Variants in SAMMSON observed in about 807,000 individuals in gnomAD.
SAMMSON encodes the protein long intergenic non-protein coding RNA 1212.
chr3:70,227,220 G>A (rs1701516552), intron 4 of SAMMSON, among the ~76,000 whole-genome samples: 2 of 152,106 alleles, frequency 1.3e-5, no homozygotes, highest in Admixed American at 1.3e-4. Flanking sequence ...GAAATAGACT[G>A]GATTATAGTT....
chr3:70,131,776 G>T (rs148173923), intron 4 of SAMMSON, among the ~76,000 whole-genome samples: 1 of 151,860 alleles, frequency 6.6e-6, no homozygotes, highest in Admixed American at 6.6e-5. Context: ...TAGAGGTAGG[G>T]TCTCACTAAA....
intron 3 of SAMMSON, among the ~76,000 whole-genome samples, chr3:70,028,143 T>TTTCCTTCCTTCCTTCCTTCCTTCCTTCC (rs540467067): frequency 7.6e-6 from 1 of 130,762 alleles, no homozygotes; most frequent in African/African-American, 3.0e-5. Flanking sequence ...TCCTTCCTTC[T>TTTCCTTCCTTCCTTCCTTCCTTCCTTCC]TTCCTTCCTT....
intron 3 of SAMMSON, among the ~76,000 whole-genome samples, chr3:70,064,447 C>T (rs971971239): frequency 1.3e-5 from 2 of 152,068 alleles, no homozygotes; most frequent in Non-Finnish European, 2.9e-5. Context: ...TATTGCAATC[C>T]GACCAAGTCT....
chr3:70,119,127 C>A (rs932144345), intron 4 of SAMMSON, among the ~76,000 whole-genome samples: 2 of 152,052 alleles, frequency 1.3e-5, no homozygotes, highest in African/African-American at 4.8e-5. Flanking sequence ...AGTGCCATGG[C>A]GTGATGTCGG....
In SAMMSON at chr3:70,129,868, A is replaced by G. The variant is rs149887921; in HGVS notation, n.507+58303A>G. On this transcript the variant is annotated intron_variant and non_coding_transcript_variant, in intron 4 of 9. Transcript: ENST00000642114. Reference sequence around the variant, plus strand: ...ACTTTATTTTATTTTACTTTAAAACATTATTTATTTAATGTTATATATTTA... The same window carrying G: ...ACTTTATTTTATTTTACTTTAAAACGTTATTTATTTAATGTTATATATTTA... Among the ~76,000 whole-genome samples the G allele has an allele frequency of 8.8e-3, 1,345 of 152,306 alleles. 8 individuals carry two copies. Among genetic ancestry groups the G allele is most frequent in the Non-Finnish European group, 0.013 (906 of 68,022 alleles).
chr3:70,420,049 A>G (rs971143957), intron 2 of SAMMSON, among the ~76,000 whole-genome samples: 2 of 152,236 alleles, frequency 1.3e-5, no homozygotes, highest in African/African-American at 4.8e-5. Flanking sequence ...GGTAAGGCTG[A>G]AGAGAGGCAT....
chr3:70,232,556 C>T (rs1037730514), intron 4 of SAMMSON, among the ~76,000 whole-genome samples: 1 of 151,930 alleles, frequency 6.6e-6, no homozygotes, highest in Non-Finnish European at 1.5e-5. Context: ...CCCGCCACCA[C>T]GCCTGGCTAT....
chr3:70,343,688 C>G (rs1273498068), intron 7 of SAMMSON, among the ~76,000 whole-genome samples: 1 of 151,836 alleles, frequency 6.6e-6, no homozygotes, highest in Non-Finnish European at 1.5e-5. Flanking sequence ...TTCCTTCTTT[C>G]CTTACTGTAC....
At chr3:70,293,364 T>G (rs2106695197) in intron 7 of SAMMSON, among the ~76,000 whole-genome samples, 1 of 152,280 alleles carries the variant, frequency 6.6e-6, no homozygotes, top group Non-Finnish European at 1.5e-5. Flanking sequence ...TAAATAAGAC[T>G]TAGAAGTGGA....
intron 4 of SAMMSON, among the ~76,000 whole-genome samples, chr3:70,075,755 C>A (rs1361060827): frequency 6.6e-6 from 1 of 152,068 alleles, no homozygotes; most frequent in Non-Finnish European, 1.5e-5. Flanking sequence ...CAGACAAACT[C>A]ATAGCGCAGT....
intron 9 of SAMMSON, among the ~76,000 whole-genome samples, chr3:70,365,676 T>C (rs1485891925): frequency 6.6e-6 from 1 of 151,808 alleles, no homozygotes; most frequent in East Asian, 1.9e-4. Context: ...CAGTTAGGTG[T>C]AGTTTCTTTT....
chr3:70,258,054 T>C (rs553464146), intron 6 of SAMMSON, among the ~76,000 whole-genome samples: 2 of 152,200 alleles, frequency 1.3e-5, no homozygotes, highest in Middle Eastern at 3.2e-3. Flanking sequence ...CATTAGATGG[T>C]GCTAGAAGAA....
chr3:70,067,027 T>C (rs1262485199), intron 3 of SAMMSON, among the ~76,000 whole-genome samples: 17 of 152,136 alleles, frequency 1.1e-4, no homozygotes, highest in Non-Finnish European at 2.5e-4. Flanking sequence ...TCAGTCTATA[T>C]ATTCAGGAAA....
intron 6 of SAMMSON, among the ~76,000 whole-genome samples, chr3:70,272,713 A>G (rs1365641571): frequency 6.6e-6 from 1 of 152,236 alleles, no homozygotes; most frequent in Non-Finnish European, 1.5e-5. Context: ...GATAGAGTAC[A>G]TTGCATTGCT....
chr3:70,337,110 TATTCTTATTAATA>T (rs1250554093), intron 7 of SAMMSON, among the ~76,000 whole-genome samples: 12 of 40,690 alleles, frequency 2.9e-4, no homozygotes, highest in Admixed American at 1.2e-3. Flanking sequence ...TCTAACTTAA[TATTCTTATTAATA>T]ATAATATCTA....
At chr3:70,091,895 C>G (rs2067306220) in intron 4 of SAMMSON, among the ~76,000 whole-genome samples, 1 of 152,168 alleles carries the variant, frequency 6.6e-6, no homozygotes, top group African/African-American at 2.4e-5. Flanking sequence ...TTCAGTTGAA[C>G]TCCATGTGCC....
chr3:70,403,945 A>G (rs1701160439), intron 2 of SAMMSON, among the ~76,000 whole-genome samples: 1 of 152,160 alleles, frequency 6.6e-6, no homozygotes. Flanking sequence ...TCTAAATACT[A>G]CTTACAAGTC....
At chr3:70,305,618 C>G (rs1195922962) in intron 7 of SAMMSON, among the ~76,000 whole-genome samples, 1 of 152,142 alleles carries the variant, frequency 6.6e-6, no homozygotes, top group Non-Finnish European at 1.5e-5. Flanking sequence ...CACATGTTTT[C>G]TCTGCGTTCA....
intron 6 of SAMMSON, among the ~76,000 whole-genome samples, chr3:70,262,390 A>G (rs1038075113): frequency 1.3e-5 from 2 of 152,132 alleles, no homozygotes; most frequent in African/African-American, 2.4e-5. Flanking sequence ...ACGGACAATA[A>G]CTTCAATCAG....
Sources: gnomAD v4.1 joint callset for allele counts (sites outside exome capture counted in the v4.1 genomes callset) on GRCh38, gnomAD v4.1.1 for gene constraint, MANE v1.5 for transcripts, NCBI Gene and HGNC (gene_info 2026-07-23, HGNC 2026-07-21) for gene names.